Variants in ADAMTS18 observed in about 807,000 individuals in gnomAD.
ADAMTS18 encodes the protein A disintegrin and metalloproteinase with thrombospondin motifs 18.
ADAMTS18 carries 157 observed loss-of-function variants against 165.9 expected under a neutral mutation model. That is an observed-to-expected ratio of 0.95 (90% CI 0.83 to 1.08). The LOEUF is 1.08. Ranked by LOEUF, ADAMTS18 falls within the 50% of genes least tolerant of loss-of-function variation. ADAMTS18 has a pLI of 0.00. For synonymous variants in ADAMTS18, 782 were observed against 578.2 expected, an observed-to-expected ratio of 1.35 and a Z score of -5.06; for missense variants, 2,040 against 1,534.0, an observed-to-expected ratio of 1.33 and a Z score of -5.51.
At position 77,365,669 on chromosome 16, in the gene ADAMTS18, C is replaced by G. The variant is rs78717628; in HGVS notation, c.779-1288G>C. ...GCCTTTAGTTAATGGACAGCCACAA[C>G]TACGAGCATTCCTGGGAAGAAAAAT... is the stretch of plus-strand genomic sequence containing the variant. On this transcript the variant is annotated intron_variant, in intron 4 of 22. Coordinates refer to ENST00000282849, the MANE Select transcript of ADAMTS18 (RefSeq NM_199355.4). Among the ~76,000 whole-genome samples, 238 of 152,158 alleles carry G rather than the reference C, an allele frequency of 1.6e-3. 3 individuals carry two copies. Among genetic ancestry groups the G allele is most frequent in the African/African-American group, 4.9e-3 (202 of 41,448 alleles).
At position 77,321,771 on chromosome 16, in the gene ADAMTS18, C is replaced by G. The variant is rs116028634; in HGVS notation, c.2163+565G>C. Among the ~76,000 whole-genome samples, 635 of 152,294 alleles carry G rather than the reference C, an allele frequency of 4.2e-3. 7 individuals are homozygous for G. Among genetic ancestry groups the G allele is most frequent in the African/African-American group, 0.015 (610 of 41,570 alleles). ...AACTCCTGTGCAAAGCAGGATATAGCATCATCTCCATTCTATATATGTGCA... is the reference window on the plus strand; with the variant it reads ...AACTCCTGTGCAAAGCAGGATATAGGATCATCTCCATTCTATATATGTGCA... On this transcript the variant is annotated intron_variant, in intron 14 of 22. Coordinates refer to ENST00000282849, the MANE Select transcript of ADAMTS18 (RefSeq NM_199355.4).
At chr16:77,332,034 T>C (rs942644861) in intron 12 of ADAMTS18, among the ~76,000 whole-genome samples, 1 of 152,158 alleles carries the variant, frequency 6.6e-6, no homozygotes, top group Non-Finnish European at 1.5e-5. Flanking sequence ...GACCCTCTTC[T>C]AAAGCACTTC....
chr16:77,300,126 GC>G lies in ADAMTS18; in HGVS notation c.2674+136del, dbSNP rs1279991804. ...ACCCTTAACTAATGCCATAATATTT[GC>G]TTTTATGGTGATGGTTCTCATAAAA... is the stretch of plus-strand genomic sequence containing the variant. On this transcript the variant is annotated intron_variant, in intron 17 of 22. Coordinates refer to ENST00000282849, the MANE Select transcript of ADAMTS18 (RefSeq NM_199355.4). The G allele has an allele frequency of 1.5e-5, 15 of 995,214 alleles. 1 individual carries two copies. The East Asian group carries it at 3.9e-4, about 26-fold the overall frequency. 61.6% of individuals were successfully genotyped at this position (995,214 alleles called of 1,614,324 possible).
At chr16:77,412,862 G>A (rs867480400) in intron 3 of ADAMTS18, among the ~76,000 whole-genome samples, 1 of 152,012 alleles carries the variant, frequency 6.6e-6, no homozygotes, top group African/African-American at 2.4e-5. Flanking sequence ...AGATTTGGGT[G>A]GGGATACAGC....
intron 3 of ADAMTS18, among the ~76,000 whole-genome samples, chr16:77,408,677 G>T (rs2057422638): frequency 6.6e-6 from 1 of 152,170 alleles, no homozygotes; most frequent in African/African-American, 2.4e-5. Context: ...CAGAAGTCAT[G>T]GTAGCAATTA....
chr16:77,350,250 G>A (rs1452829684), intron 10 of ADAMTS18, among the ~76,000 whole-genome samples: 1 of 152,148 alleles, frequency 6.6e-6, no homozygotes, highest in African/African-American at 2.4e-5. Context: ...TGAGAACAGA[G>A]ATCAAGTCTG....
At chr16:77,434,334 T>C (rs2057771118) in intron 2 of ADAMTS18, 84 bp downstream of exon 2, 1 of 1,486,474 alleles carries the variant, frequency 6.7e-7, no homozygotes, top group Non-Finnish European at 9.1e-7. Flanking sequence ...GGGGGTGCGC[T>C]TTTCCATCTT....
chr16:77,305,729 G>A (rs1354538155), intron 16 of ADAMTS18, among the ~76,000 whole-genome samples: 2 of 152,114 alleles, frequency 1.3e-5, no homozygotes, highest in African/African-American at 2.4e-5. Flanking sequence ...ATCTCAGCAC[G>A]TGCTTTAGTG....
intron 3 of ADAMTS18, among the ~76,000 whole-genome samples, chr16:77,382,272 G>A (rs371154859): frequency 8.5e-5 from 13 of 152,202 alleles, no homozygotes; most frequent in East Asian, 7.7e-4. Context: ...GTGCAGTGGC[G>A]CGATCTCGGC....
intron 10 of ADAMTS18, among the ~76,000 whole-genome samples, chr16:77,353,480 G>A (rs577924081): frequency 1.3e-5 from 2 of 152,128 alleles, no homozygotes; most frequent in Admixed American, 6.5e-5. Flanking sequence ...TACTAGTAGG[G>A]ATAAAGTCTT....
chr16:77,381,143 G>T (rs1293081791), intron 3 of ADAMTS18, among the ~76,000 whole-genome samples: 4 of 152,086 alleles, frequency 2.6e-5, no homozygotes, highest in African/African-American at 7.2e-5. Flanking sequence ...AACAGAGCTG[G>T]GATTAGAGGC....
intron 3 of ADAMTS18, among the ~76,000 whole-genome samples, chr16:77,401,485 C>T (rs2057330971): frequency 6.6e-6 from 1 of 152,146 alleles, no homozygotes; most frequent in African/African-American, 2.4e-5. Context: ...TGCCCAAATC[C>T]CACAGTCACC....
At chr16:77,334,491 A>G (rs1324051360) in intron 12 of ADAMTS18, among the ~76,000 whole-genome samples, 4 of 112,126 alleles carry the variant, frequency 3.6e-5, no homozygotes, top group African/African-American at 1.5e-4. Context: ...TATATTATAT[A>G]GTATATATAC....
chr16:77,377,768 A>C (rs543175924), intron 3 of ADAMTS18, among the ~76,000 whole-genome samples: 2 of 152,336 alleles, frequency 1.3e-5, no homozygotes, highest in East Asian at 3.9e-4. Flanking sequence ...ATTCTTTAAA[A>C]ATTTTTTTAA....
intron 2 of ADAMTS18, 29 bp downstream of exon 2, chr16:77,434,389 C>G (rs752950731): frequency 1.5e-5 from 24 of 1,554,596 alleles, no homozygotes; most frequent in Non-Finnish European, 2.1e-5. Context: ...GCGAAAGGCC[C>G]TTCTTGGGGA....
intron 11 of ADAMTS18, among the ~76,000 whole-genome samples, chr16:77,336,120 G>T (rs1325402131): frequency 1.3e-5 from 2 of 152,138 alleles, no homozygotes; most frequent in African/African-American, 4.8e-5. Flanking sequence ...GAGAGAAGTG[G>T]CATTGTTCAC....
chr16:77,375,545 G>C (rs2056937644), intron 3 of ADAMTS18, among the ~76,000 whole-genome samples: 1 of 152,180 alleles, frequency 6.6e-6, no homozygotes, highest in African/African-American at 2.4e-5. Context: ...GTCCACGATG[G>C]GGAAGTCCAT....
chr16:77,340,086 A>G (rs2056375582), intron 11 of ADAMTS18, among the ~76,000 whole-genome samples: 1 of 152,196 alleles, frequency 6.6e-6, no homozygotes, highest in African/African-American at 2.4e-5. Context: ...CTGGGCCCCG[A>G]CAGCAACTAC....
chr16:77,434,031 C>T (rs186361035), intron 2 of ADAMTS18, among the ~76,000 whole-genome samples: 7 of 152,240 alleles, frequency 4.6e-5, no homozygotes, highest in Non-Finnish European at 8.8e-5. Flanking sequence ...GAAAGAGGCT[C>T]ACATTCTTTC....
Sources: allele counts gnomAD v4.1 joint callset (sites outside exome capture counted in the v4.1 genomes callset), GRCh38; gene constraint gnomAD v4.1.1; transcripts MANE v1.5; gene names NCBI Gene and HGNC (gene_info 2026-07-23, HGNC 2026-07-21).